ELF3: variants seen among roughly 807,000 people sequenced by gnomAD.
The protein encoded by ELF3 is E74 like ETS transcription factor 3, also known as ETS-related transcription factor Elf-3.
Under a neutral mutation model 43.9 loss-of-function variants are expected in ELF3, and 18 were observed. That is an observed-to-expected ratio of 0.41 (90% CI 0.28 to 0.61). The LOEUF (loss-of-function observed/expected upper bound fraction) is 0.61. ELF3 is among the 20% of genes least tolerant of loss of function. The pLI is 0.30. For synonymous variants in ELF3, 181 were observed against 190.2 expected, an observed-to-expected ratio of 0.95 and a Z score of 0.40; for missense variants, 373 against 487.7, an observed-to-expected ratio of 0.76 and a Z score of 2.21.
In ELF3 at chr1:202,012,496, CAG is replaced by C; in HGVS notation, c.478+63_478+64del. The C allele has an allele frequency of 6.3e-7, 1 of 1,599,560 alleles. No homozygotes were observed. The highest frequency in any genetic ancestry group is 1.7e-5 in the Admixed American group (1 of 57,898). On this transcript the variant is annotated intron_variant, in intron 4 of 8. Coordinates refer to ENST00000367284, the MANE Select transcript of ELF3 (RefSeq NM_004433.5). The surrounding 1 kb of genome is among the most constrained non-coding windows in gnomAD (Gnocchi z 4.2). ...GTCTTGTCCCATCCCTGCCCCTCCACAGAGTGCTAGAGATGACCCCCTCCCCA... is the reference window on the plus strand; with the variant it reads ...GTCTTGTCCCATCCCTGCCCCTCCACAGTGCTAGAGATGACCCCCTCCCCA...
At position 202,012,922 on chromosome 1, in the gene ELF3, G is replaced by T; in HGVS notation, c.599-25G>T. On this transcript the variant is annotated intron_variant, in intron 5 of 8. Coordinates refer to ENST00000367284, the MANE Select transcript of ELF3 (RefSeq NM_004433.5). The surrounding 1 kb of genome is among the most constrained non-coding windows in gnomAD (Gnocchi z 4.2). ...TTGAGCAGAGGGTGGGCCGGCAGGG[G>T]ACTTACTCTGACCCCGCCCCCCAGG... 1 of 1,596,068 alleles carries T rather than the reference G, an allele frequency of 6.3e-7. No homozygotes were observed. The highest frequency in any genetic ancestry group is 8.5e-7 in the Non-Finnish European group (1 of 1,171,980).
rs1315593514 is a variant in ELF3, at chr1:202,010,708, T to A, written c.-9+2T>A. The A allele has an allele frequency of 1.2e-5, 2 of 160,220 alleles. No homozygotes were observed. The highest frequency in any genetic ancestry group is 4.8e-5 in the African/African-American group (2 of 41,534). 9.9% of individuals were successfully genotyped at this position (160,220 alleles called of 1,614,324 possible). ...CCACAGCCGGACTCCGCCACTCCGG[T>A]AGGATTCCCCGCCTGTCATTCCCTA... On this transcript the variant is annotated splice_donor_variant, in intron 1 of 8. Coordinates refer to ENST00000367284, the MANE Select transcript of ELF3 (RefSeq NM_004433.5). LOFTEE classifies it low-confidence loss of function (5UTR_SPLICE). The surrounding 1 kb of genome is among the most constrained non-coding windows in gnomAD (Gnocchi z 4.3).
In ELF3 at chr1:202,013,244, C is replaced by T. The variant is rs1258691938; in HGVS notation, c.751C>T (p.Arg251Ter). 6.2e-7 allele frequency: 1 copy of T among 1,614,010 alleles called. No homozygotes were observed. The highest frequency in any genetic ancestry group is 8.5e-7 in the Non-Finnish European group (1 of 1,180,040). The change falls in exon 7 of 9, where the codon CGA becomes TGA. Residue 251 changes from arginine (R) to a stop codon, truncating the protein, a stop_gained. Coordinates refer to ENST00000367284, the MANE Select transcript of ELF3 (RefSeq NM_004433.5). LOFTEE classifies it high-confidence loss of function. This position sits in a 1 kb window ranked among gnomAD's most constrained non-coding sequence, Gnocchi z 5.7. The part of the protein sequence containing the change: ...KHGKRKRGRP[R>*]KLSKEYWDCL... ...CGGGAAGCGGAAACGAGGCCGGCCC[C>T]GAAAGCTGAGCAAAGAGTACTGGGA...
Sources: allele counts gnomAD v4.1 joint callset, GRCh38; gene constraint gnomAD v4.1.1; non-coding constraint Gnocchi (gnomAD v3.1); transcripts MANE v1.5; gene names NCBI Gene and HGNC (gene_info 2026-07-23, HGNC 2026-07-21).